The following ACSF3 variants were observed in gnomAD, a reference collection of about 807,000 sequenced individuals.
ACSF3 encodes acyl-CoA synthetase family member 3.
ACSF3 carries 78 observed loss-of-function variants against 53.2 expected under a neutral mutation model. That is an observed-to-expected ratio of 1.47 (90% CI 1.22 to 1.77). The LOEUF is 1.77. ACSF3 is among the 40% of genes most tolerant of loss of function. The probability of loss-of-function intolerance (pLI) is 0.00; values close to 1 mark genes in which losing one functional copy is unlikely to be tolerated. For missense variants in ACSF3, 937 were observed against 771.1 expected (o/e 1.22, Z -2.55); for synonymous variants, 414 against 333.1 (o/e 1.24, Z -2.65).
rs1299740872 is a variant in ACSF3, at chr16:89,110,482, A to G, written c.823-1610A>G. ...TGACCAGATATCTGTGCATTCGTTT[A>G]TTTCTGGACTCTCCATTGTGTTTTG... On this transcript the variant is annotated intron_variant, in intron 4 of 10. Transcript: ENST00000614302. 2.0e-5 allele frequency among the ~76,000 whole-genome samples: 3 copies of G among 151,988 alleles called. No homozygotes were observed. In the East Asian group the frequency reaches 5.8e-4, roughly 29 times the overall value.
chr16:89,146,524 G>T (rs559954572), intron 10 of ACSF3, among the ~76,000 whole-genome samples: 4 of 152,178 alleles, frequency 2.6e-5, no homozygotes, highest in African/African-American at 9.7e-5. Flanking sequence ...CCCATTCTCC[G>T]TCGGCACCTG....
intron 7 of ACSF3, among the ~76,000 whole-genome samples, chr16:89,128,505 C>G (rs1908621028): frequency 6.6e-6 from 1 of 152,080 alleles, no homozygotes; most frequent in African/African-American, 2.4e-5. Context: ...AGTGATCCAC[C>G]CACCTCGGCT....
In ACSF3 at chr16:89,112,177, A is replaced by C; in HGVS notation, c.908A>C (p.Tyr303Ser). The C allele has an allele frequency of 7.4e-7, 1 of 1,343,804 alleles. No individual in the cohort carries two copies. The highest frequency in any genetic ancestry group is 1.7e-5 in the South Asian group (1 of 59,698). 83.2% of individuals were successfully genotyped at this position (1,343,804 alleles called of 1,614,324 possible). ...VPTIYTKLMEYYDRHFTQPHA... is the reference protein window; with the variant it reads ...VPTIYTKLMESYDRHFTQPHA... ...ACAATATACACCAAGCTGATGGAGT[A>C]CTACGACAGGCATTTTACCCAGCCG... Residue 303 changes from tyrosine (Y) to serine (S), a missense_variant, in exon 5 of 11, where the codon TAC (tyrosine) becomes TCC (serine). Physicochemically the swap from Tyr to Ser is moderately radical, Grantham distance 144. Coordinates refer to ENST00000614302, the MANE Select transcript of ACSF3 (RefSeq NM_001243279.3).
chr16:89,121,509 A>G (rs1267364934), intron 7 of ACSF3, among the ~76,000 whole-genome samples: 2 of 152,226 alleles, frequency 1.3e-5, no homozygotes, highest in Non-Finnish European at 2.9e-5. Flanking sequence ...GGATTTTAAC[A>G]TGAGAGTCTG....
chr16:89,110,855 C>A (rs971431265), intron 4 of ACSF3, among the ~76,000 whole-genome samples: 2 of 152,206 alleles, frequency 1.3e-5, no homozygotes, highest in African/African-American at 4.8e-5. Context: ...GGGTGCTGCT[C>A]CGCGGTGCTG....
chr16:89,145,496 C>T, intron 9 of ACSF3, 95 bp downstream of exon 9: 1 of 1,462,816 alleles, frequency 6.8e-7, no homozygotes, highest in South Asian at 1.2e-5. Context: ...CGACGCCGTC[C>T]CAGCTGCCTG....
At chr16:89,106,905 G>T (rs963178842) in intron 4 of ACSF3, among the ~76,000 whole-genome samples, 2 of 152,202 alleles carry the variant, frequency 1.3e-5, no homozygotes, top group Admixed American at 1.3e-4. Context: ...GGAGGAGGAT[G>T]CCGGAAGATG....
chr16:89,100,628 G>C lies in ACSF3; in HGVS notation c.-20-34G>C, dbSNP rs562298049. ...TTGGCCACGTTTGGATGGGACAGTTGGGCACTCACGTCCTGTGCCTTGCCT... is the reference window on the plus strand; with the variant it reads ...TTGGCCACGTTTGGATGGGACAGTTCGGCACTCACGTCCTGTGCCTTGCCT... On this transcript the variant is annotated intron_variant, in intron 2 of 10. Transcript: ENST00000614302. The C allele has an allele frequency of 4.3e-5, 46 of 1,081,318 alleles. No homozygotes were observed. In the South Asian group the frequency reaches 5.9e-4, roughly 14 times the overall value. 67.0% of individuals were successfully genotyped at this position (1,081,318 alleles called of 1,614,324 possible).
chr16:89,106,104 A>G (rs1975948428), intron 4 of ACSF3, among the ~76,000 whole-genome samples: 1 of 152,036 alleles, frequency 6.6e-6, no homozygotes, highest in Non-Finnish European at 1.5e-5. Context: ...CTGCCCAGGG[A>G]TTTCTGCTCC....
chr16:89,145,796 C>G, intron 9 of ACSF3, 142 bp from the exon 10 acceptor site: 1 of 803,302 alleles, frequency 1.2e-6, no homozygotes, highest in Non-Finnish European at 2.2e-6. Flanking sequence ...AGCACCAGGA[C>G]GAGTGATTGG....
intron 8 of ACSF3, among the ~76,000 whole-genome samples, chr16:89,138,180 C>G (rs1911012322): frequency 6.6e-6 from 1 of 152,180 alleles, no homozygotes; most frequent in African/African-American, 2.4e-5. Context: ...GGCCCACAGC[C>G]TCTCAGCCTC....
intron 2 of ACSF3, among the ~76,000 whole-genome samples, chr16:89,099,039 C>T (rs1357581888): frequency 6.6e-6 from 1 of 152,246 alleles, no homozygotes; most frequent in Non-Finnish European, 1.5e-5. Context: ...GGGTGCTTCC[C>T]CCAGGAAGGG....
chr16:89,100,295 CCT>C (rs1383396776), intron 2 of ACSF3, among the ~76,000 whole-genome samples: 1 of 152,258 alleles, frequency 6.6e-6, no homozygotes, highest in African/African-American at 2.4e-5. Flanking sequence ...TGCACTTCCC[CCT>C]CTCACGGGTG....
At chr16:89,122,363 G>C in intron 7 of ACSF3, 1 of 435,046 alleles carries the variant, frequency 2.3e-6, no homozygotes, top group Non-Finnish European at 4.6e-6. Context: ...CACCTCCCCT[G>C]CCCTCTGTAG....
At chr16:89,153,813 A>G (rs969202438) in intron 10 of ACSF3, 5 of 495,822 alleles carry the variant, frequency 1.0e-5, no homozygotes, top group East Asian at 3.8e-5. Context: ...GTGCAGGCCT[A>G]TCCTCAGGTG....
At chr16:89,131,368 T>G (rs1283174045) in intron 7 of ACSF3, among the ~76,000 whole-genome samples, 1 of 151,992 alleles carries the variant, frequency 6.6e-6, no homozygotes, top group Non-Finnish European at 1.5e-5. Flanking sequence ...TCAAGCAGTC[T>G]GCCCGCCTCA....
chr16:89,133,164 G>A lies in ACSF3; in HGVS notation c.1268G>A (p.Gly423Glu), dbSNP rs370783227. 2 of 1,614,046 alleles carry A rather than the reference G, an allele frequency of 1.2e-6. No individual in the cohort carries two copies. Among genetic ancestry groups the A allele is most frequent in the East Asian group, 2.2e-5 (1 of 44,886 alleles). The change falls in exon 8 of 11, where the codon GGG (glycine) becomes GAG (glutamate). Residue 423 changes from glycine to glutamate, a missense_variant. Transcript: ENST00000614302. ...KVTPGFEEKE[G>E]ELLVRGPSVF... is the part of the protein sequence containing the mutation. ...ACCCCAGGGTTTGAAGAAAAGGAGG[G>A]GGAGCTGCTGGTGAGGGGACCCTCC... is the stretch of plus-strand genomic sequence containing the variant.
chr16:89,156,201 C>T lies in ACSF3; in HGVS notation c.*1994C>T, dbSNP rs1029300295. 6.6e-6 allele frequency among the ~76,000 whole-genome samples: 1 copy of T among 152,160 alleles called. No individual in the cohort carries two copies. Among genetic ancestry groups the T allele is most frequent in the African/African-American group, 2.4e-5 (1 of 41,440 alleles). The stretch of plus-strand genomic sequence containing the variant: ...CGTCCTGGAGGGAACTCATCCTCTC[C>T]TCCCTCCCCATTAAAGCCCAGTTTA... On this transcript the variant is annotated 3_prime_UTR_variant, in exon 11 of 11. Transcript: ENST00000614302.
intron 8 of ACSF3, among the ~76,000 whole-genome samples, chr16:89,143,691 G>T (rs887462622): frequency 2.0e-5 from 3 of 152,052 alleles, no homozygotes; most frequent in Non-Finnish European, 4.4e-5. Context: ...CCTTCCAGCC[G>T]CCCAGACTAC....
Sources: gnomAD v4.1 joint callset for allele counts (sites outside exome capture counted in the v4.1 genomes callset) on GRCh38, gnomAD v4.1.1 for gene constraint, MANE v1.5 for transcripts, NCBI Gene and HGNC (gene_info 2026-07-23, HGNC 2026-07-21) for gene names.